The following CATSPERD variants were observed in gnomAD, a reference collection of about 807,000 sequenced individuals.
CATSPERD encodes catsper channel auxiliary subunit delta.
CATSPERD carries 86 observed loss-of-function variants against 98.1 expected under a neutral mutation model. That is an observed-to-expected ratio of 0.88 (90% confidence interval 0.74 to 1.05). The LOEUF is 1.05. Ranked by LOEUF, CATSPERD falls within the 50% of genes least tolerant of loss-of-function variation. CATSPERD has a pLI of 0.00. For missense variants in CATSPERD, 995 were observed against 1,005.7 expected, an observed-to-expected ratio of 0.99 and a Z score of 0.14; for synonymous variants, 394 against 390.2, an observed-to-expected ratio of 1.01 and a Z score of -0.12.
chr19:5,778,262 C>A, intron 21 of CATSPERD, 114 bp from the exon 22 acceptor site: 2 of 844,904 alleles, frequency 2.4e-6, no homozygotes, highest in Non-Finnish European at 3.7e-6. Context: ...TATACCCGGT[C>A]ACTGCTGTGG....
chr19:5,723,940 A>G (rs1367739395), intron 1 of CATSPERD, among the ~76,000 whole-genome samples: 1 of 151,682 alleles, frequency 6.6e-6, no homozygotes, highest in Non-Finnish European at 1.5e-5. Context: ...CCACACGCTA[A>G]TTTTGTATAT....
chr19:5,756,634 G>A (rs79696139), intron 13 of CATSPERD, among the ~76,000 whole-genome samples: 4,163 of 152,058 alleles, frequency 0.027, 85 homozygotes, highest in Non-Finnish European at 0.041. Context: ...CCAATGCTTG[G>A]TAGGTTAGGT....
intron 2 of CATSPERD, among the ~76,000 whole-genome samples, chr19:5,725,317 AATTTTTGT>A (rs948918715): frequency 6.6e-6 from 1 of 151,912 alleles, no homozygotes; most frequent in African/African-American, 2.4e-5. Context: ...ATGCGCAGCT[AATTTTTGT>A]ATTTTTGTAG....
Position 5,772,873 on chromosome 19 carries a change from C to T in CATSPERD, c.1849C>T (p.Leu617=), listed in dbSNP as rs1194410954. The change falls in exon 20 of 22, where the codon CTG becomes TTG. Residue 617 remains leucine (L), a synonymous_variant. Transcript: ENST00000381624. ...CGGGCAGTTCTCATACTCCTATTCC[C>T]TGACGGCCCAGTCGGCCATGTGTAC... is the stretch of plus-strand genomic sequence containing the variant. ...VNGQFSYSYS[L]TAQSAMCTSQ... 3 of 1,614,036 alleles carry T rather than the reference C, an allele frequency of 1.9e-6. No homozygotes were observed. The highest frequency in any genetic ancestry group is 4.5e-5 in the East Asian group (2 of 44,888).
chr19:5,758,923 C>CAAA (rs1002375684), intron 14 of CATSPERD, among the ~76,000 whole-genome samples, 163 bp from the exon 15 acceptor site: 11 of 39,454 alleles, frequency 2.8e-4, no homozygotes, highest in African/African-American at 5.3e-4. Context: ...GACTCCATCT[C>CAAA]AAAAAAAAAA....
Position 5,740,575 on chromosome 19 carries a change from G to A in CATSPERD, c.573+1136G>A, listed in dbSNP as rs191742512. Among the ~76,000 whole-genome samples, 473 of 150,824 alleles carry A rather than the reference G, an allele frequency of 3.1e-3. 3 individuals are homozygous for A. Among genetic ancestry groups the A allele is most frequent in the African/African-American group, 0.011 (439 of 41,048 alleles). ...GCACTCCAGCCTGGGCAACAAGAGC[G>A]AAACTCCATCTCAAAATAAATAAAT... On this transcript the variant is annotated intron_variant, in intron 7 of 21. Transcript: ENST00000381624.
Position 5,728,687 on chromosome 19 carries a change from ATCTCTC to A in CATSPERD, c.204-1171_204-1166del, listed in dbSNP as rs535538690. ...CAGCCTGGATAACATAGCAAGACCC[ATCTCTC>A]TCTCTCTCTCTCTTTTTTTTTTTGA... On this transcript the variant is annotated intron_variant, in intron 3 of 21. Transcript: ENST00000381624. Among the ~76,000 whole-genome samples the A allele has an allele frequency of 8.2e-3, 1,212 of 147,252 alleles. 18 individuals are homozygous for A. Among genetic ancestry groups the A allele is most frequent in the African/African-American group, 0.028 (1,134 of 40,216 alleles).
intron 5 of CATSPERD, among the ~76,000 whole-genome samples, chr19:5,734,332 G>A (rs751369943): frequency 2.5e-4 from 38 of 152,026 alleles, no homozygotes; most frequent in Non-Finnish European, 4.1e-4. Context: ...GCGAAACCCG[G>A]TCTCTACTAA....
chr19:5,720,831 G>A, intron 1 of CATSPERD, 23 bp downstream of exon 1: 1 of 1,588,544 alleles, frequency 6.3e-7, no homozygotes, highest in African/African-American at 1.3e-5. Flanking sequence ...GGACTCCTGG[G>A]GCTGGGGTGC....
intron 3 of CATSPERD, among the ~76,000 whole-genome samples, chr19:5,728,038 CAAA>C (rs56411287): frequency 2.3e-3 from 289 of 128,368 alleles, no homozygotes; most frequent in African/African-American, 7.6e-3. Flanking sequence ...CCAGTATCTA[CAAA>C]AAAAAAAAAA....
intron 15 of CATSPERD, among the ~76,000 whole-genome samples, chr19:5,761,149 G>C (rs1429580374): frequency 6.6e-6 from 1 of 151,824 alleles, no homozygotes; most frequent in Non-Finnish European, 1.5e-5. Context: ...CCATTCTCCT[G>C]CCTTAGCAGT....
chr19:5,757,297 CTTTTTT>C (rs77064500), intron 13 of CATSPERD, among the ~76,000 whole-genome samples: 1 of 119,458 alleles, frequency 8.4e-6, no homozygotes, highest in African/African-American at 3.2e-5. Flanking sequence ...TTTTCAACTT[CTTTTTT>C]TTTTTTTTTT....
At chr19:5,769,859 C>T (rs1479701378) in intron 18 of CATSPERD, among the ~76,000 whole-genome samples, 8 of 151,128 alleles carry the variant, frequency 5.3e-5, no homozygotes, top group African/African-American at 1.7e-4. Flanking sequence ...GAGGCCGAGA[C>T]AGGTGGATCA....
intron 8 of CATSPERD, among the ~76,000 whole-genome samples, chr19:5,744,784 A>G (rs2056064531): frequency 2.0e-5 from 3 of 151,824 alleles, no homozygotes; most frequent in Non-Finnish European, 2.9e-5. Context: ...TATTTTTAGT[A>G]GAGATAGGGT....
chr19:5,746,149 G>A, intron 9 of CATSPERD, 86 bp downstream of exon 9: 5 of 1,429,348 alleles, frequency 3.5e-6, no homozygotes, highest in African/African-American at 1.4e-5. Flanking sequence ...GGAGGGGAAG[G>A]AGCAACCCCT....
intron 20 of CATSPERD, chr19:5,775,276 G>A (rs577545745): frequency 3.0e-5 from 14 of 471,400 alleles, no homozygotes; most frequent in Admixed American, 2.6e-4. Context: ...GAAGAAGAGA[G>A]CTCCCCGCTT....
chr19:5,748,497 G>C (rs904059414), intron 10 of CATSPERD, among the ~76,000 whole-genome samples: 1 of 151,652 alleles, frequency 6.6e-6, no homozygotes, highest in Non-Finnish European at 1.5e-5. Flanking sequence ...TGGGCGTGGT[G>C]GTGGGCGACT....
chr19:5,742,279 C>T (rs1206691975), intron 7 of CATSPERD, among the ~76,000 whole-genome samples: 18 of 131,752 alleles, frequency 1.4e-4, no homozygotes, highest in South Asian at 2.5e-4. Context: ...CATGTGTGTA[C>T]GTGTGTGTGC....
chr19:5,734,498 C>T (rs1236919817), intron 5 of CATSPERD, among the ~76,000 whole-genome samples: 6 of 152,004 alleles, frequency 3.9e-5, no homozygotes, highest in Non-Finnish European at 8.8e-5. Flanking sequence ...ATTAGCTGGG[C>T]GTGGTGGTGC....
Sources: allele counts gnomAD v4.1 joint callset (sites outside exome capture counted in the v4.1 genomes callset), GRCh38; gene constraint gnomAD v4.1.1; transcripts MANE v1.5; gene names NCBI Gene and HGNC (gene_info 2026-07-23, HGNC 2026-07-21).